The following TEX15 variants were observed in gnomAD, a reference collection of about 807,000 sequenced individuals.
TEX15 encodes the protein testis expressed 15, meiosis and synapsis associated.
TEX15 carries 171 observed loss-of-function variants against 237.3 expected under a neutral mutation model. The observed-to-expected ratio is 0.72, with a 90% confidence interval of 0.64 to 0.82. The LOEUF (loss-of-function observed/expected upper bound fraction) is 0.82. TEX15 is among the 40% of genes least tolerant of loss of function. The pLI is 0.00. For synonymous variants in TEX15, 1,338 were observed against 1,269.8 expected (o/e 1.05, Z -1.14); for missense variants, 3,750 against 3,646.5 (o/e 1.03, Z -0.73).
At chr8:30,872,226 T>C (rs1372262636) in intron 4 of TEX15, among the ~76,000 whole-genome samples, 2 of 152,118 alleles carry the variant, frequency 1.3e-5, no homozygotes, top group Admixed American at 1.3e-4. Context: ...TCATGTGCCA[T>C]AGTAGACATT....
At position 30,843,507 on chromosome 8, in the gene TEX15, A is replaced by G. The variant is rs759903137; in HGVS notation, c.6660T>C (p.Asn2220=). The part of the protein sequence containing the change: ...ILRKSTLKLI[N]VCGDSPKVHS... Reference sequence around the variant, plus strand: ...GAACTTTAGGAGAGTCCCCACATACATTGATCAACTTTAAAGTACTTTTTC... The same window carrying G: ...GAACTTTAGGAGAGTCCCCACATACGTTGATCAACTTTAAAGTACTTTTTC... Residue 2220 remains asparagine (N), a synonymous_variant, in exon 8 of 11, where the codon AAT becomes AAC. Coordinates refer to ENST00000643185, the MANE Select transcript of TEX15 (RefSeq NM_001350162.2). 1 of 1,613,046 alleles carries G rather than the reference A, an allele frequency of 6.2e-7. No homozygotes were observed. The highest frequency in any genetic ancestry group is 1.7e-5 in the Admixed American group (1 of 59,944).
intron 5 of TEX15, among the ~76,000 whole-genome samples, chr8:30,865,901 T>A (rs1477265549): frequency 6.6e-6 from 1 of 152,166 alleles, no homozygotes; most frequent in Non-Finnish European, 1.5e-5. Flanking sequence ...ATGCTCACTT[T>A]AACCATTTCT....
In TEX15 at chr8:30,911,816, G is replaced by A. The variant is rs564272186; in HGVS notation, c.-86+1063C>T. The stretch of plus-strand genomic sequence containing the variant: ...TCCAAACGCGGAAACTCAACCCCGA[G>A]CGCGGAGAGGATGGAAACTGCCTGA... On this transcript the variant is annotated intron_variant, in intron 1 of 10. Transcript: ENST00000643185. 8.5e-5 allele frequency among the ~76,000 whole-genome samples: 13 copies of A among 152,284 alleles called. No individual in the cohort carries two copies. In the East Asian group the frequency reaches 2.3e-3, roughly 27 times the overall value.
At chr8:30,871,420 A>T (rs990209679) in intron 4 of TEX15, among the ~76,000 whole-genome samples, 28 of 152,084 alleles carry the variant, frequency 1.8e-4, no homozygotes, top group African/African-American at 5.6e-4. Flanking sequence ...ACAAGAAGAA[A>T]GCTGGTAGCA....
At chr8:30,899,916 TA>T (rs1418876528) in intron 1 of TEX15, among the ~76,000 whole-genome samples, 3 of 152,236 alleles carry the variant, frequency 2.0e-5, no homozygotes, top group African/African-American at 7.2e-5. Flanking sequence ...AAGATAATAC[TA>T]GTGATTATAA....
Position 30,858,749 on chromosome 8 carries a change from T to G in TEX15, c.769A>C (p.Lys257Gln). 1 of 1,535,804 alleles carries G rather than the reference T, an allele frequency of 6.5e-7. No individual in the cohort carries two copies. The highest frequency in any genetic ancestry group is 1.2e-5 in the South Asian group (1 of 84,038). The change falls in exon 7 of 11, where the codon AAA becomes CAA. Residue 257 changes from lysine (K) to glutamine (Q), a missense_variant. Transcript: ENST00000643185. ...QCLPYAVVTV[K>Q]FLGSKVDNGR... Reference sequence around the variant, plus strand: ...TTATCTACTTTTGAACCAAGAAATTTTACTGTTACTACAGCATATGGAAGA... The same window carrying G: ...TTATCTACTTTTGAACCAAGAAATTGTACTGTTACTACAGCATATGGAAGA...
chr8:30,874,469 T>C (rs762748727), intron 4 of TEX15, among the ~76,000 whole-genome samples: 1 of 152,194 alleles, frequency 6.6e-6, no homozygotes, highest in Non-Finnish European at 1.5e-5. Context: ...AAAAATTATG[T>C]GTGAGAAATG....
rs1455749048 is a variant in TEX15 at position 30,831,686 on chromosome 8, A to C, written c.*1600T>G. 1 of 152,224 alleles carries C rather than the reference A, an allele frequency of 6.6e-6. No individual in the cohort carries two copies. Among genetic ancestry groups the C allele is most frequent in the Non-Finnish European group, 1.5e-5 (1 of 68,038 alleles). The allele number at this position is 152,224 out of a possible 1,614,324, so 9.4% of individuals were successfully genotyped here. On this transcript the variant is annotated 3_prime_UTR_variant, in exon 11 of 11. Transcript: ENST00000643185. The stretch of plus-strand genomic sequence containing the variant: ...CAAAGACAATGTCAACAGAATCTGA[A>C]AGTTGTTTAAAGAAACAATCCTTAA...
chr8:30,866,624 T>A (rs562606852), intron 5 of TEX15, among the ~76,000 whole-genome samples: 1 of 152,204 alleles, frequency 6.6e-6, no homozygotes, highest in Middle Eastern at 3.4e-3. Flanking sequence ...AATGGATACT[T>A]CTTATTCCAG....
intron 7 of TEX15, among the ~76,000 whole-genome samples, chr8:30,857,841 T>C (rs957030114): frequency 6.6e-6 from 1 of 152,140 alleles, no homozygotes; most frequent in South Asian, 2.1e-4. Flanking sequence ...TGAAATAACA[T>C]ATCACACTCA....
rs549947823 is a variant in TEX15 at position 30,912,830 on chromosome 8, A to G, written c.-86+49T>C. ...CCTTAATTTTAATTTACCTCACACC[A>G]AACTAGCTGCTAACCCTCCTCTCCT... On this transcript the variant is annotated intron_variant, in intron 1 of 10. Coordinates refer to ENST00000643185, the MANE Select transcript of TEX15 (RefSeq NM_001350162.2). 4 of 152,346 alleles carry G rather than the reference A, an allele frequency of 2.6e-5. No individual in the cohort carries two copies. In the East Asian group the frequency reaches 7.7e-4, roughly 29 times the overall value. The allele number at this position is 152,346 out of a possible 1,614,324, so 9.4% of individuals were successfully genotyped here.
At chr8:30,907,297 T>C (rs1159846885) in intron 1 of TEX15, among the ~76,000 whole-genome samples, 1 of 152,064 alleles carries the variant, frequency 6.6e-6, no homozygotes, top group East Asian at 1.9e-4. Context: ...TCCAGTTTAT[T>C]TCTCCTGGTG....
intron 4 of TEX15, 131 bp downstream of exon 4, chr8:30,874,806 G>GT: frequency 1.9e-6 from 1 of 526,102 alleles, no homozygotes; most frequent in Non-Finnish European, 2.9e-6. Flanking sequence ...CTATGAGAAT[G>GT]TAACAAAAAA....
In TEX15 at chr8:30,844,365, C is replaced by A. The variant is rs996880415; in HGVS notation, c.5802G>T (p.Ser1934=). 2 of 1,610,200 alleles carry A rather than the reference C, an allele frequency of 1.2e-6. No individual in the cohort carries two copies. The highest frequency in any genetic ancestry group is 1.3e-5 in the African/African-American group (1 of 74,784). The change falls in exon 8 of 11, where the codon TCG becomes TCT. Residue 1934 remains serine (S), a synonymous_variant. Coordinates refer to ENST00000643185, the MANE Select transcript of TEX15 (RefSeq NM_001350162.2). ...CTGAATGTAATGTCAAGTCAGACTG[C>A]GAGTCTTTACTAACTTTAATTTCCC... is the stretch of plus-strand genomic sequence containing the variant. ...KKGEIKVSKD[S]QSDLTLHSEI... is the part of the protein sequence containing the mutation.
chr8:30,898,449 T>C (rs1808948226), intron 2 of TEX15, among the ~76,000 whole-genome samples: 1 of 152,206 alleles, frequency 6.6e-6, no homozygotes. Context: ...TGCCAGCACC[T>C]TGATCTTGGA....
intron 1 of TEX15, among the ~76,000 whole-genome samples, chr8:30,899,379 T>C (rs1808964989): frequency 6.6e-6 from 1 of 151,932 alleles, no homozygotes. Context: ...GGTAAGTTGG[T>C]TTTCAAGTCC....
chr8:30,875,809 ATT>A (rs879785043), intron 3 of TEX15, among the ~76,000 whole-genome samples: 3 of 142,754 alleles, frequency 2.1e-5, no homozygotes, highest in African/African-American at 5.1e-5. Flanking sequence ...CATCTGGTCA[ATT>A]TTTTTTTTTT....
At position 30,842,542 on chromosome 8, in the gene TEX15, G is replaced by T; in HGVS notation, c.7625C>A (p.Ser2542Ter). ...VNCSYAIHLL[S>*]RELQELSEIK... is the part of the protein sequence containing the mutation. ...TTCTGAAAGTTCTTGAAGTTCTCTTGAGAGCAAATGAATAGCATATGAGCA... is the reference window on the plus strand; with the variant it reads ...TTCTGAAAGTTCTTGAAGTTCTCTTTAGAGCAAATGAATAGCATATGAGCA... The change falls in exon 8 of 11, where the codon TCA becomes TAA. Residue 2542 changes from serine to a stop codon, truncating the protein, a stop_gained. Transcript: ENST00000643185. LOFTEE classifies it high-confidence loss of function. 6.2e-7 allele frequency: 1 copy of T among 1,610,632 alleles called. No homozygotes were observed. The highest frequency in any genetic ancestry group is 8.5e-7 in the Non-Finnish European group (1 of 1,179,592).
At chr8:30,881,721 A>G (rs1438148238) in intron 3 of TEX15, among the ~76,000 whole-genome samples, 2 of 149,466 alleles carry the variant, frequency 1.3e-5, no homozygotes, top group African/African-American at 5.0e-5. Context: ...TCCTGGGTTC[A>G]CACGATTCTC....
Sources: allele counts gnomAD v4.1 joint callset (sites outside exome capture counted in the v4.1 genomes callset), GRCh38; gene constraint gnomAD v4.1.1; transcripts MANE v1.5; gene names NCBI Gene and HGNC (gene_info 2026-07-23, HGNC 2026-07-21).